The following TP63 variants were observed in gnomAD, a reference collection of about 807,000 sequenced individuals.
The protein encoded by TP63 is tumor protein 63.
In TP63, 17 loss-of-function variants were observed where a neutral mutation model predicts 82.8. The ratio of observed to expected loss-of-function variants is 0.21; its 90% CI spans 0.14 to 0.31. The LOEUF (loss-of-function observed/expected upper bound fraction) is 0.31, where lower values mean the gene tolerates loss of function less well. TP63 is among the 10% of genes least tolerant of loss of function. TP63 has a pLI of 1.00. For missense variants in TP63, 648 were observed against 895.3 expected (o/e 0.72, Z 3.52); for synonymous variants, 330 against 321.7 (o/e 1.03, Z -0.28).
chr3:189,660,904 A>G (rs770425479), intron 1 of TP63, among the ~76,000 whole-genome samples: 4 of 151,890 alleles, frequency 2.6e-5, no homozygotes, highest in Admixed American at 1.3e-4. Flanking sequence ...TAGCATTTCT[A>G]TCAGTGTAAC....
At chr3:189,878,940 T>C (rs1186622121) in intron 10 of TP63, among the ~76,000 whole-genome samples, 1 of 149,172 alleles carries the variant, frequency 6.7e-6, no homozygotes, top group African/African-American at 2.5e-5. Flanking sequence ...CAGTTTACTT[T>C]TGAATTTCAT....
chr3:189,741,217 A>AAAC (rs1553825743), intron 3 of TP63, among the ~76,000 whole-genome samples: 2 of 149,970 alleles, frequency 1.3e-5, no homozygotes. Context: ...AAAAAAAAAA[A>AAAC]CCCTGAGATA....
intron 1 of TP63, among the ~76,000 whole-genome samples, chr3:189,677,594 T>C (rs1715554604): frequency 6.6e-6 from 1 of 151,792 alleles, no homozygotes; most frequent in Admixed American, 6.6e-5. Flanking sequence ...ATGATTTCTT[T>C]TCCTTTGGGT....
At chr3:189,744,309 C>A (rs1419817700) in intron 3 of TP63, among the ~76,000 whole-genome samples, 1 of 152,186 alleles carries the variant, frequency 6.6e-6, no homozygotes, top group Non-Finnish European at 1.5e-5. Flanking sequence ...TATTTCCTTC[C>A]CAGTAGAAGA....
chr3:189,748,692 A>G (rs9846547), intron 3 of TP63, among the ~76,000 whole-genome samples: 1 of 151,894 alleles, frequency 6.6e-6, no homozygotes, highest in Non-Finnish European at 1.5e-5. Flanking sequence ...AATCCTAAAA[A>G]TCATATGGAA....
At chr3:189,626,810 C>G (rs1729328790), upstream of TP63, among the ~76,000 whole-genome samples, 1 of 152,128 alleles carries the variant, frequency 6.6e-6, no homozygotes. Flanking sequence ...TTTCTTAAGT[C>G]CCTGAATTTA....
chr3:189,873,119 A>C (rs768070115), intron 10 of TP63, 124 bp downstream of exon 10: 7 of 1,463,390 alleles, frequency 4.8e-6, no homozygotes, highest in Non-Finnish European at 6.7e-6. Flanking sequence ...ATAGATTCAG[A>C]TGACCTGGTA....
the TP63 span, among the ~76,000 whole-genome samples, chr3:189,618,233 T>A: frequency 1.3e-5 from 2 of 152,196 alleles, no homozygotes; most frequent in East Asian, 3.8e-4. Context: ...TACTTACAGG[T>A]TTCTTTCACT....
At chr3:189,705,050 C>G (rs1233478484) in intron 1 of TP63, among the ~76,000 whole-genome samples, 1 of 152,120 alleles carries the variant, frequency 6.6e-6, no homozygotes, top group African/African-American at 2.4e-5. Flanking sequence ...GTATGATTTT[C>G]TTCAATATTT....
intron 4 of TP63, among the ~76,000 whole-genome samples, chr3:189,861,607 A>G (rs1577128315): frequency 6.6e-6 from 1 of 152,138 alleles, no homozygotes; most frequent in African/African-American, 2.4e-5. Flanking sequence ...CAACTCTATC[A>G]CTTGCTGCCT....
intron 3 of TP63, among the ~76,000 whole-genome samples, chr3:189,782,103 C>T (rs1724274996): frequency 6.6e-6 from 1 of 152,170 alleles, no homozygotes; most frequent in Middle Eastern, 3.4e-3. Context: ...TAGAACAGTG[C>T]CCTTTCATGC....
At chr3:189,604,810 CT>C in the TP63 span, among the ~76,000 whole-genome samples, 1 of 151,910 alleles carries the variant, frequency 6.6e-6, no homozygotes, top group South Asian at 2.1e-4. Flanking sequence ...GTTTGTAAAA[CT>C]TTCATATAAA....
intron 3 of TP63, among the ~76,000 whole-genome samples, chr3:189,800,795 C>A (rs1005306414): frequency 6.6e-6 from 1 of 152,140 alleles, no homozygotes; most frequent in Non-Finnish European, 1.5e-5. Flanking sequence ...CACTCTAAGA[C>A]ACATACTTAG....
chr3:189,764,151 C>T (rs1230873058), intron 3 of TP63, among the ~76,000 whole-genome samples: 1 of 152,132 alleles, frequency 6.6e-6, no homozygotes, highest in Non-Finnish European at 1.5e-5. Context: ...CCCTCTGGCA[C>T]ACTGTTCTTT....
At chr3:189,751,812 C>T (rs1003133665) in intron 3 of TP63, among the ~76,000 whole-genome samples, 2 of 152,108 alleles carry the variant, frequency 1.3e-5, no homozygotes, top group Non-Finnish European at 2.9e-5. Flanking sequence ...TGTGCAGAAG[C>T]TCTTTAGTTT....
chr3:189,671,592 A>G (rs2108673993), intron 1 of TP63, among the ~76,000 whole-genome samples: 1 of 152,268 alleles, frequency 6.6e-6, no homozygotes, highest in South Asian at 2.1e-4. Context: ...GCACCTTTAT[A>G]TTTATTGCAG....
At chr3:189,869,270 C>G (rs753491691) in intron 8 of TP63, 54 bp from the exon 9 acceptor site, 1 of 1,289,016 alleles carries the variant, frequency 7.8e-7, no homozygotes, top group Admixed American at 1.7e-5. Flanking sequence ...ATTTAATATG[C>G]ATTAGTGCTT....
the TP63 span, among the ~76,000 whole-genome samples, chr3:189,621,164 G>C: frequency 9.2e-5 from 14 of 152,198 alleles, no homozygotes; most frequent in South Asian, 2.9e-3. Flanking sequence ...CTACAGAAAA[G>C]TATAAAGAAG....
At chr3:189,614,796 C>T in the TP63 span, among the ~76,000 whole-genome samples, 60 of 152,212 alleles carry the variant, frequency 3.9e-4, no homozygotes, top group African/African-American at 1.4e-3. Context: ...CTAATATTAA[C>T]GTGGTACTTA....
Sources: allele counts gnomAD v4.1 joint callset (sites outside exome capture counted in the v4.1 genomes callset), GRCh38; gene constraint gnomAD v4.1.1; transcripts MANE v1.5; gene names NCBI Gene and HGNC (gene_info 2026-07-23, HGNC 2026-07-21).